CDH10: variants seen among roughly 807,000 people sequenced by gnomAD.
CDH10 encodes cadherin 10.
CDH10 carries 30 observed loss-of-function variants against 73.1 expected under a neutral mutation model. The ratio of observed to expected loss-of-function variants is 0.41; its 90% CI spans 0.31 to 0.56. The LOEUF (loss-of-function observed/expected upper bound fraction) is 0.56. CDH10 is among the 20% of genes least tolerant of loss of function. CDH10 has a pLI of 0.27. For missense variants in CDH10, 815 were observed against 973.7 expected (o/e 0.84, Z 2.17); for synonymous variants, 345 against 348.2 (o/e 0.99, Z 0.10).
intron 2 of CDH10, among the ~76,000 whole-genome samples, chr5:24,585,441 C>T (rs913630032): frequency 6.6e-6 from 1 of 152,036 alleles, no homozygotes; most frequent in African/African-American, 2.4e-5. Flanking sequence ...ACAACAACAA[C>T]AACGGAGTTT....
At position 24,488,285 on chromosome 5, in the gene CDH10, T is replaced by C; in HGVS notation, c.1877-132A>G. The C allele has an allele frequency of 5.0e-6, 4 of 794,896 alleles. No homozygotes were observed. The South Asian group carries it at 7.7e-5, about 15-fold the overall frequency. 49.2% of individuals were successfully genotyped at this position (794,896 alleles called of 1,614,324 possible). ...TTAGACTTTCAGATTAATTTTGTGC[T>C]TCCCACAGTTTGGGGGAGGTGTCAG... On this transcript the variant is annotated intron_variant, in intron 11 of 11. Coordinates refer to ENST00000264463, the MANE Select transcript of CDH10 (RefSeq NM_006727.5).
intron 1 of CDH10, among the ~76,000 whole-genome samples, chr5:24,599,204 A>T (rs1187005506): frequency 6.6e-6 from 1 of 152,144 alleles, no homozygotes; most frequent in Non-Finnish European, 1.5e-5. Context: ...TTATTTCATT[A>T]TGTGGAGAAT....
intron 2 of CDH10, among the ~76,000 whole-genome samples, chr5:24,585,357 T>C (rs2112069686): frequency 6.6e-6 from 1 of 152,274 alleles, no homozygotes; most frequent in Admixed American, 6.5e-5. Context: ...AACGTTTTGC[T>C]TCTTTGGCCT....
At chr5:24,492,423 T>C (rs1742093980) in intron 10 of CDH10, among the ~76,000 whole-genome samples, 1 of 152,202 alleles carries the variant, frequency 6.6e-6, no homozygotes, top group South Asian at 2.1e-4. Context: ...TCTCATTCTT[T>C]TCATTTCCTT....
At chr5:24,537,292 T>A in intron 3 of CDH10, 88 bp downstream of exon 3, 1 of 851,940 alleles carries the variant, frequency 1.2e-6, no homozygotes, top group Non-Finnish European at 1.8e-6. Context: ...CAAAGAGGAT[T>A]TCAATTAATT....
chr5:24,560,971 T>C (rs1744939247), intron 2 of CDH10, among the ~76,000 whole-genome samples: 1 of 152,146 alleles, frequency 6.6e-6, no homozygotes. Flanking sequence ...AATTGATAGA[T>C]ATTATAGGCC....
intron 2 of CDH10, among the ~76,000 whole-genome samples, chr5:24,552,865 G>A: frequency 6.6e-6 from 1 of 151,846 alleles, no homozygotes; most frequent in Non-Finnish European, 1.5e-5. Flanking sequence ...TCATCTTGTT[G>A]GAGATAAGAT....
intron 2 of CDH10, among the ~76,000 whole-genome samples, chr5:24,590,054 T>A (rs557951088): frequency 6.6e-6 from 1 of 152,108 alleles, no homozygotes; most frequent in Non-Finnish European, 1.5e-5. Context: ...TATGATTAGA[T>A]CATGGAAAAA....
chr5:24,592,606 A>G (rs554902279), intron 2 of CDH10, among the ~76,000 whole-genome samples: 2 of 151,912 alleles, frequency 1.3e-5, no homozygotes, highest in East Asian at 3.9e-4. Context: ...ACCACAACTA[A>G]TTATCCTCAC....
chr5:24,630,842 T>C (rs1468819009), intron 1 of CDH10, among the ~76,000 whole-genome samples: 1 of 152,104 alleles, frequency 6.6e-6, no homozygotes, highest in Non-Finnish European at 1.5e-5. Context: ...TAATACATGC[T>C]GATAATATTT....
At chr5:24,596,273 G>A (rs1746369223) in intron 1 of CDH10, among the ~76,000 whole-genome samples, 1 of 151,690 alleles carries the variant, frequency 6.6e-6, no homozygotes, top group Non-Finnish European at 1.5e-5. Context: ...CCAAATTACA[G>A]AATATCTTTG....
chr5:24,634,870 G>A (rs930624007), intron 1 of CDH10, among the ~76,000 whole-genome samples: 2 of 151,456 alleles, frequency 1.3e-5, no homozygotes, highest in Admixed American at 6.6e-5. Context: ...TTAAAATAAA[G>A]CTTTTAAAAA....
At chr5:24,641,349 A>T (rs570850290) in intron 1 of CDH10, among the ~76,000 whole-genome samples, 1 of 152,144 alleles carries the variant, frequency 6.6e-6, no homozygotes, top group Admixed American at 6.6e-5. Context: ...TGCATGAAAA[A>T]AAAATCTGTA....
intron 8 of CDH10, among the ~76,000 whole-genome samples, chr5:24,503,424 T>C (rs1265563248): frequency 6.6e-6 from 1 of 152,202 alleles, no homozygotes; most frequent in African/African-American, 2.4e-5. Flanking sequence ...TTCATGGGCC[T>C]GTGACCCAAG....
intron 1 of CDH10, among the ~76,000 whole-genome samples, chr5:24,626,394 C>T (rs1236246220): frequency 6.6e-6 from 1 of 151,968 alleles, no homozygotes; most frequent in Non-Finnish European, 1.5e-5. Flanking sequence ...TTTTCAGAGG[C>T]CTCAAGGAGG....
chr5:24,591,573 A>G (rs1458151051), intron 2 of CDH10, among the ~76,000 whole-genome samples: 1 of 151,928 alleles, frequency 6.6e-6, no homozygotes, highest in Non-Finnish European at 1.5e-5. Flanking sequence ...AATTGTCTTC[A>G]GTGATTACAA....
intron 1 of CDH10, among the ~76,000 whole-genome samples, chr5:24,615,680 C>G (rs1747102762): frequency 6.6e-6 from 1 of 152,180 alleles, no homozygotes; most frequent in Non-Finnish European, 1.5e-5. Context: ...CCAAATAATA[C>G]CAACAGAGCT....
chr5:24,488,495 C>G (rs946552243), intron 11 of CDH10, among the ~76,000 whole-genome samples: 2 of 151,746 alleles, frequency 1.3e-5, no homozygotes, highest in East Asian at 3.9e-4. Context: ...ACATAAGATA[C>G]TATATAAAAT....
At position 24,613,534 on chromosome 5, in the gene CDH10, A is replaced by C. The variant is rs112579387; in HGVS notation, c.-123-19921T>G. 2.7e-3 allele frequency among the ~76,000 whole-genome samples: 407 copies of C among 151,264 alleles called. 4 individuals carry two copies. The highest frequency in any genetic ancestry group is 9.4e-3 in the African/African-American group (389 of 41,228). ...TCCTCTTTGCTGGGAAAAAAAAAAA[A>C]AAAAAAAGGAAATGACAGCTTTTAT... On this transcript the variant is annotated intron_variant, in intron 1 of 11. Transcript: ENST00000264463.
Sources: gnomAD v4.1 joint callset for allele counts (sites outside exome capture counted in the v4.1 genomes callset) on GRCh38, gnomAD v4.1.1 for gene constraint, MANE v1.5 for transcripts, NCBI Gene and HGNC (gene_info 2026-07-23, HGNC 2026-07-21) for gene names.